The following PCDHA7 variants were observed in gnomAD, a reference collection of about 807,000 sequenced individuals.
PCDHA7 encodes protocadherin alpha 7.
A neutral mutation model predicts 57.2 loss-of-function variants in PCDHA7; 37 were observed. That is an observed-to-expected ratio of 0.65 (90% CI 0.50 to 0.85). PCDHA7 has a LOEUF of 0.85. Among genes scored for constraint, PCDHA7 ranks in the 40% least tolerant of loss-of-function variants. PCDHA7 has a pLI of 0.00. For synonymous variants in PCDHA7, 553 were observed against 558.8 expected (o/e 0.99, Z 0.15); for missense variants, 1,188 against 1,241.8 (o/e 0.96, Z 0.65).
chr5:140,980,901 T>C, intron 2 of PCDHA7, among the ~76,000 whole-genome samples: 1 of 152,218 alleles, frequency 6.6e-6, no homozygotes, highest in East Asian at 1.9e-4. Context: ...TTGGACATCA[T>C]GTAACTATTC....
chr5:140,854,011 A>T (rs1218448806), intron 1 of PCDHA7: 1 of 394,286 alleles, frequency 2.5e-6, no homozygotes, highest in Non-Finnish European at 3.6e-6. Context: ...AAAAAAAAAA[A>T]ATTAGCCGGG....
At chr5:140,951,723 A>G (rs1364455679) in intron 1 of PCDHA7, among the ~76,000 whole-genome samples, 3 of 152,104 alleles carry the variant, frequency 2.0e-5, no homozygotes, top group Non-Finnish European at 4.4e-5. Flanking sequence ...GATCCAAACC[A>G]TGTCATTCTG....
At position 140,843,609 on chromosome 5, in the gene PCDHA7, G is replaced by C. The variant is rs145975691; in HGVS notation, c.2355+6871G>C. 647 of 1,595,902 alleles carry C rather than the reference G, an allele frequency of 4.1e-4. 69 individuals are homozygous for C. The highest frequency in any genetic ancestry group is 5.3e-4 in the Non-Finnish European group (622 of 1,165,530). On this transcript the variant is annotated intron_variant, in intron 1 of 3. Coordinates refer to ENST00000525929, the MANE Select transcript of PCDHA7 (RefSeq NM_018910.3). ...CCGCAGAGGGTGTGCTCTGGTGAGG[G>C]GCCACCGAAGACGGACCTCATGGCC...
chr5:141,000,381 CTCTCTCTCTCTCTCTATATA>C (rs2097908619), intron 3 of PCDHA7, among the ~76,000 whole-genome samples: 2 of 61,370 alleles, frequency 3.3e-5, no homozygotes, highest in African/African-American at 7.4e-5. Context: ...CTCTCTCTCT[CTCTCTCTCTCTCTCTATATA>C]TATATATATA....
intron 1 of PCDHA7, chr5:140,856,539 A>G (rs782181557): frequency 1.3e-6 from 2 of 1,598,342 alleles, no homozygotes; most frequent in South Asian, 2.2e-5. Context: ...GTTGGAGAGA[A>G]CGCATTGCTT....
chr5:140,999,814 G>A (rs143341016), intron 3 of PCDHA7, among the ~76,000 whole-genome samples: 1 of 152,286 alleles, frequency 6.6e-6, no homozygotes, highest in African/African-American at 2.4e-5. Context: ...CAAAGCAAGA[G>A]CTGTGGCTTT....
At chr5:140,924,395 G>C (rs919795787) in intron 1 of PCDHA7, among the ~76,000 whole-genome samples, 1 of 152,024 alleles carries the variant, frequency 6.6e-6, no homozygotes, top group East Asian at 1.9e-4. Context: ...TACTTATATT[G>C]CCTTATATCA....
chr5:140,967,997 C>T (rs551685820), intron 1 of PCDHA7: 1 of 1,614,102 alleles, frequency 6.2e-7, no homozygotes, highest in Non-Finnish European at 8.5e-7. Flanking sequence ...ACTGCCTTTC[C>T]GACTGAATGG....
chr5:140,992,390 C>T (rs1007853972), intron 3 of PCDHA7, among the ~76,000 whole-genome samples: 1 of 152,082 alleles, frequency 6.6e-6, no homozygotes, highest in Admixed American at 6.6e-5. Context: ...GTGTTCTGGA[C>T]TTAGAGATAT....
intron 1 of PCDHA7, among the ~76,000 whole-genome samples, chr5:140,959,596 A>G (rs2095498979): frequency 6.6e-6 from 1 of 152,224 alleles, no homozygotes; most frequent in Non-Finnish European, 1.5e-5. Flanking sequence ...AGCCAAGTAT[A>G]ACATGCTTTT....
Position 140,853,937 on chromosome 5 carries a change from G to T in PCDHA7, c.2355+17199G>T, listed in dbSNP as rs367556947. The T allele has an allele frequency of 1.7e-4, 142 of 835,446 alleles. 8 individuals carry two copies. The highest frequency in any genetic ancestry group is 1.9e-4 in the Non-Finnish European group (128 of 679,266). 51.8% of individuals were successfully genotyped at this position (835,446 alleles called of 1,614,324 possible). A position where few individuals can be genotyped will look rare whatever the true frequency, so the allele number is the denominator to read the frequency against. On this transcript the variant is annotated intron_variant, in intron 1 of 3. Coordinates refer to ENST00000525929, the MANE Select transcript of PCDHA7 (RefSeq NM_018910.3). ...CAATCCCAACATTTTGGGAGGCCAA[G>T]GTGGGAGGGTCCCTTCCTTGAGCCC...
intron 1 of PCDHA7, among the ~76,000 whole-genome samples, chr5:140,896,047 G>T (rs1369678792): frequency 6.6e-6 from 1 of 152,138 alleles, no homozygotes; most frequent in Non-Finnish European, 1.5e-5. Context: ...CTGACCTCAG[G>T]TGATCCGCCT....
Position 140,982,684 on chromosome 5 carries a change from T to C in PCDHA7, c.2503+121T>C. Reference sequence around the variant, plus strand: ...TTTTATATTTTTGTTATTCCCTTTTTTCCATACATACATGATTTCCTTACA... The same window carrying C: ...TTTTATATTTTTGTTATTCCCTTTTCTCCATACATACATGATTTCCTTACA... On this transcript the variant is annotated intron_variant, in intron 3 of 3. Transcript: ENST00000525929. The C allele has an allele frequency of 2.8e-6, 4 of 1,425,176 alleles. No individual in the cohort carries two copies. In the South Asian group the frequency reaches 6.0e-5, roughly 21 times the overall value. 88.3% of individuals were successfully genotyped at this position (1,425,176 alleles called of 1,614,324 possible).
intron 1 of PCDHA7, among the ~76,000 whole-genome samples, chr5:140,900,463 C>T (rs1319110335): frequency 6.6e-6 from 1 of 152,130 alleles, no homozygotes; most frequent in African/African-American, 2.4e-5. Flanking sequence ...TTTTAGTAGA[C>T]ACGGAGTTTC....
chr5:140,877,844 G>A lies in PCDHA7; in HGVS notation c.2355+41106G>A, dbSNP rs945643108. The A allele has an allele frequency of 5.1e-6, 8 of 1,568,656 alleles. No homozygotes were observed. In the African/African-American group the frequency reaches 8.3e-5, roughly 16 times the overall value. ...TGTTTAAATCCTCCCAGTGAAGTAA[G>A]TTATTAATATTATTTAGATATATTT... On this transcript the variant is annotated intron_variant, in intron 1 of 3. Coordinates refer to ENST00000525929, the MANE Select transcript of PCDHA7 (RefSeq NM_018910.3).
chr5:140,883,558 G>A, intron 1 of PCDHA7: 2 of 1,614,190 alleles, frequency 1.2e-6, no homozygotes, highest in South Asian at 1.1e-5. Context: ...CGCGGGACGG[G>A]GGCTCGCCTT....
chr5:140,877,463 C>T (rs782373755), intron 1 of PCDHA7: 1 of 1,613,772 alleles, frequency 6.2e-7, no homozygotes, highest in East Asian at 2.2e-5. Flanking sequence ...TCCACGGCCA[C>T]GGTGCTGGTG....
At chr5:140,982,409 G>A (rs1554244106) in intron 2 of PCDHA7, 66 bp from the exon 3 acceptor site, 20 of 1,608,038 alleles carry the variant, frequency 1.2e-5, no homozygotes, top group Non-Finnish European at 1.6e-5. Flanking sequence ...CAATTTCTGA[G>A]GGTGGAAGAA....
At chr5:140,968,729 A>G (rs1563381706) in intron 1 of PCDHA7, 1 of 1,614,134 alleles carries the variant, frequency 6.2e-7, no homozygotes, top group Non-Finnish European at 8.5e-7. Flanking sequence ...GAGTGGTAGC[A>G]CTTTCAACCT....
Sources: gnomAD v4.1 joint callset for allele counts (sites outside exome capture counted in the v4.1 genomes callset) on GRCh38, gnomAD v4.1.1 for gene constraint, MANE v1.5 for transcripts, NCBI Gene and HGNC (gene_info 2026-07-23, HGNC 2026-07-21) for gene names.